The following LYAR variants were observed in gnomAD, a reference collection of about 807,000 sequenced individuals.
LYAR encodes Ly1 antibody reactive.
In LYAR, 37 loss-of-function variants were observed where a neutral mutation model predicts 45.2. That is an observed-to-expected ratio of 0.82 (90% CI 0.63 to 1.08). LYAR has a LOEUF of 1.08. Among genes scored for constraint, LYAR ranks in the 50% least tolerant of loss-of-function variants. The pLI is 0.00. For synonymous variants in LYAR, 176 were observed against 155.1 expected (o/e 1.14, Z -1.00); for missense variants, 493 against 451.0 (o/e 1.09, Z -0.84).
At position 4,273,595 on chromosome 4, in the gene LYAR, C is replaced by G. The variant is rs749326447; in HGVS notation, c.907G>C (p.Ala303Pro). ...AGCAGTGATATACCTTTTGCAGGAG[C>G]CTCATCGTCTTCTGGTTCTCCGCCC... ...PEGGEPEDDEAPAKGKFNWKG... is the reference protein window; with the variant it reads ...PEGGEPEDDEPPAKGKFNWKG... The change falls in exon 8 of 10, where the codon GCT becomes CCT. Residue 303 changes from alanine (A) to proline (P), a missense_variant. Transcript: ENST00000343470. 1.9e-6 allele frequency: 3 copies of G among 1,612,784 alleles called. No homozygotes were observed. Among genetic ancestry groups the G allele is most frequent in the Admixed American group, 1.7e-5 (1 of 59,936 alleles).
At chr4:4,284,027 A>G (rs1719509818) in intron 2 of LYAR, among the ~76,000 whole-genome samples, 1 of 152,230 alleles carries the variant, frequency 6.6e-6, no homozygotes, top group African/African-American at 2.4e-5. Context: ...GAGGCTTTAC[A>G]TTTATTCACT....
At chr4:4,287,581 A>G (rs924563115) in intron 1 of LYAR, among the ~76,000 whole-genome samples, 1 of 152,186 alleles carries the variant, frequency 6.6e-6, no homozygotes, top group African/African-American at 2.4e-5. Context: ...GACTGCTATG[A>G]TCATACTACC....
rs749773054 is a variant in LYAR, at chr4:4,274,454, T to G, written c.745A>C (p.Ser249Arg). ...TCCTTGCGCTGCTTCTTCTTCTTGC[T>G]CCTCTTCCCTGCAGAGCCATTGGCC... ...PEANGSAGKR[S>R]KKKKQRKDSA... The change falls in exon 7 of 10, where the codon AGC becomes CGC. Residue 249 changes from serine to arginine, a missense_variant. By Grantham distance (110) the Ser-to-Arg change is moderately radical. Transcript: ENST00000343470. 6.2e-7 allele frequency: 1 copy of G among 1,614,132 alleles called. No individual in the cohort carries two copies. The highest frequency in any genetic ancestry group is 2.2e-5 in the East Asian group (1 of 44,876).
chr4:4,277,132 C>T (rs1349379912), intron 6 of LYAR, among the ~76,000 whole-genome samples: 4 of 152,084 alleles, frequency 2.6e-5, no homozygotes, highest in African/African-American at 7.2e-5. Flanking sequence ...CTGCAACCTC[C>T]GCCTCCCAGG....
At chr4:4,283,144 G>A (rs999688294) in intron 3 of LYAR, among the ~76,000 whole-genome samples, 11 of 152,168 alleles carry the variant, frequency 7.2e-5, no homozygotes, top group Middle Eastern at 3.4e-3. Flanking sequence ...AAATTGTTTC[G>A]TAAAGCACAT....
intron 4 of LYAR, among the ~76,000 whole-genome samples, chr4:4,280,418 A>G (rs1560095773): frequency 6.6e-6 from 1 of 152,242 alleles, no homozygotes. Context: ...CAGAAACAGA[A>G]AAATCCATCC....
intron 2 of LYAR, among the ~76,000 whole-genome samples, chr4:4,285,452 A>T (rs911364331): frequency 6.6e-6 from 1 of 152,242 alleles, no homozygotes; most frequent in African/African-American, 2.4e-5. Context: ...CATGTCAGGC[A>T]ACAAGAGCAG....
chr4:4,275,394 G>C (rs1188806541), intron 6 of LYAR, among the ~76,000 whole-genome samples: 1 of 151,340 alleles, frequency 6.6e-6, no homozygotes, highest in Non-Finnish European at 1.5e-5. Context: ...TCATTATTCA[G>C]ACTGGAAAGT....
Position 4,279,487 on chromosome 4 carries a change from A to G in LYAR, c.389T>C (p.Leu130Pro), listed in dbSNP as rs759151025. 6.2e-6 allele frequency: 10 copies of G among 1,613,296 alleles called. No homozygotes were observed. The African/African-American group carries it at 1.1e-4, about 17-fold the overall frequency. ...AGAAAAGATATTCCACACCTGGTCCAGAATGGATTCATTATGAACTTTTAA... is the reference window on the plus strand; with the variant it reads ...AGAAAAGATATTCCACACCTGGTCCGGAATGGATTCATTATGAACTTTTAA... The part of the protein sequence containing the change: ...NSLKVHNESI[L>P]DQVWNIFSEA... Residue 130 changes from leucine to proline, a missense_variant, in exon 6 of 10, where the codon CTG (leucine) becomes CCG (proline). By Grantham distance (98) the Leu-to-Pro change is moderately conservative. Transcript: ENST00000343470.
Position 4,279,485 on chromosome 4 carries a change from C to A in LYAR, c.391G>T (p.Asp131Tyr). The change falls in exon 6 of 10, where the codon GAC becomes TAC. Residue 131 changes from aspartate (D) to tyrosine (Y), a missense_variant. Coordinates refer to ENST00000343470, the MANE Select transcript of LYAR (RefSeq NM_017816.3). ...TCAGAAAAGATATTCCACACCTGGT[C>A]CAGAATGGATTCATTATGAACTTTT... ...SLKVHNESIL[D>Y]QVWNIFSEAS... The A allele has an allele frequency of 6.2e-7, 1 of 1,613,150 alleles. No homozygotes were observed. Among genetic ancestry groups the A allele is most frequent in the South Asian group, 1.1e-5 (1 of 91,046 alleles).
intron 9 of LYAR, 74 bp downstream of exon 9, chr4:4,268,456 A>G: frequency 9.5e-7 from 1 of 1,051,350 alleles, no homozygotes. Flanking sequence ...AAAAAAGAAA[A>G]AAACAAACAA....
chr4:4,286,575 A>G lies in LYAR; in HGVS notation c.-107-3T>C, dbSNP rs1046193550. On this transcript the variant is annotated splice_region_variant and splice_polypyrimidine_tract_variant and intron_variant, in intron 1 of 9. Coordinates refer to ENST00000343470, the MANE Select transcript of LYAR (RefSeq NM_017816.3). ...CAATGGAAGACAGCAAACATTGCCT[A>G]AAACAAAAAAGTAAAACGGTATTGT... The G allele has an allele frequency of 2.0e-5, 3 of 152,238 alleles. No homozygotes were observed. Among genetic ancestry groups the G allele is most frequent in the Non-Finnish European group, 4.4e-5 (3 of 68,040 alleles). The allele number at this position is 152,238 out of a possible 1,614,324, so 9.4% of individuals were successfully genotyped here.
chr4:4,274,239 A>G, intron 7 of LYAR, 128 bp downstream of exon 7: 1 of 1,139,668 alleles, frequency 8.8e-7, no homozygotes, highest in Non-Finnish European at 1.2e-6. Context: ...TCCGTCTCAA[A>G]AAAAACAAAA....
rs755948468 is a variant in LYAR at position 4,273,591 on chromosome 4, G to T, written c.911C>A (p.Pro304His). Residue 304 changes from proline to histidine, a missense_variant, in exon 8 of 10, where the codon CCT becomes CAT. Physicochemically the swap from Pro to His is moderately conservative, Grantham distance 77. Coordinates refer to ENST00000343470, the MANE Select transcript of LYAR (RefSeq NM_017816.3). ...TGACAGCAGTGATATACCTTTTGCA[G>T]GAGCCTCATCGTCTTCTGGTTCTCC... is the stretch of plus-strand genomic sequence containing the variant. ...EGGEPEDDEA[P>H]AKGKFNWKGT... 4.3e-6 allele frequency: 7 copies of T among 1,612,378 alleles called. No homozygotes were observed. The highest frequency in any genetic ancestry group is 5.1e-6 in the Non-Finnish European group (6 of 1,178,770).
Position 4,279,721 on chromosome 4 carries a change from T to G in LYAR, c.266A>C (p.Asn89Thr). 4 of 1,611,636 alleles carry G rather than the reference T, an allele frequency of 2.5e-6. No homozygotes were observed. In the South Asian group the frequency reaches 4.4e-5, roughly 18 times the overall value. ...AAGTTCTCTCACTTTGGGGCTGACA[T>G]TGGGTCTCTTTATTAATTCACTAAT... Reference protein sequence around the residue: ...QKISELIKRPNVSPKVRELLE... With the variant: ...QKISELIKRPTVSPKVRELLE... The change falls in exon 5 of 10, where the codon AAT becomes ACT. Residue 89 changes from asparagine to threonine, a missense_variant. Coordinates refer to ENST00000343470, the MANE Select transcript of LYAR (RefSeq NM_017816.3).
At chr4:4,285,272 C>T (rs1719559937) in intron 2 of LYAR, among the ~76,000 whole-genome samples, 1 of 152,194 alleles carries the variant, frequency 6.6e-6, no homozygotes, top group African/African-American at 2.4e-5. Flanking sequence ...ACCAAATCCT[C>T]AGGAAGGAAA....
intron 6 of LYAR, among the ~76,000 whole-genome samples, chr4:4,277,510 T>A (rs776798565): frequency 6.6e-6 from 1 of 152,204 alleles, no homozygotes; most frequent in African/African-American, 2.4e-5. Context: ...AGCTGCTCAA[T>A]AAATAGGTGA....
intron 4 of LYAR, 62 bp from the exon 5 acceptor site, chr4:4,279,811 G>A (rs2108846672): frequency 8.8e-7 from 1 of 1,139,218 alleles, no homozygotes; most frequent in East Asian, 2.4e-5. Flanking sequence ...TTTCATGAAA[G>A]CCAATTGAAA....
At chr4:4,280,079 C>T (rs375375374) in intron 4 of LYAR, among the ~76,000 whole-genome samples, 75 of 152,238 alleles carry the variant, frequency 4.9e-4, no homozygotes, top group African/African-American at 1.8e-3. Context: ...ACAAATCCAG[C>T]AAAGTTGCAG....
Sources: allele counts gnomAD v4.1 joint callset (sites outside exome capture counted in the v4.1 genomes callset), GRCh38; gene constraint gnomAD v4.1.1; transcripts MANE v1.5; gene names NCBI Gene and HGNC (gene_info 2026-07-23, HGNC 2026-07-21).